Variants in TENM2 observed in about 807,000 individuals in gnomAD.
TENM2 encodes the protein teneurin-2.
TENM2 carries 52 observed loss-of-function variants against 245.2 expected under a neutral mutation model. The ratio of observed to expected loss-of-function variants is 0.21; its 90% CI spans 0.17 to 0.27. TENM2 has a LOEUF of 0.27. Among genes scored for constraint, TENM2 ranks in the 10% least tolerant of loss-of-function variants. The probability of loss-of-function intolerance (pLI) is 1.00; values close to 1 mark genes in which losing one functional copy is unlikely to be tolerated. For missense variants in TENM2, 3,046 were observed against 3,666.8 expected (o/e 0.83, Z 4.37); for synonymous variants, 1,363 against 1,438.9 (o/e 0.95, Z 1.19).
intron 11 of TENM2, among the ~76,000 whole-genome samples, 197 bp from the exon 14 acceptor site, chr5:168,126,557 C>CT (rs1795865559): frequency 6.6e-6 from 1 of 152,180 alleles, no homozygotes; most frequent in Admixed American, 6.5e-5. Context: ...AGGGGCCACA[C>CT]TTTGAGAGTC....
chr5:168,195,662 G>A (rs1410009038), intron 15 of TENM2, among the ~76,000 whole-genome samples: 9 of 146,850 alleles, frequency 6.1e-5, no homozygotes, highest in East Asian at 2.1e-4. Context: ...TCTTAGAAAC[G>A]AACTCCTGTT....
At chr5:167,984,943 C>T (rs528473004) in intron 4 of TENM2, among the ~76,000 whole-genome samples, 2 of 152,226 alleles carry the variant, frequency 1.3e-5, no homozygotes, top group East Asian at 1.9e-4. Context: ...CTTTTCATAT[C>T]GGAGAGTATA....
intron 2 of TENM2, among the ~76,000 whole-genome samples, chr5:167,860,325 G>A (rs1771651344): frequency 2.8e-5 from 3 of 106,538 alleles, no homozygotes; most frequent in Non-Finnish European, 5.7e-5. Flanking sequence ...GGGAAGTGAG[G>A]AGCCCCTCTG....
intron 2 of TENM2, among the ~76,000 whole-genome samples, chr5:167,785,081 A>G (rs890072467): frequency 6.6e-6 from 1 of 152,144 alleles, no homozygotes; most frequent in Non-Finnish European, 1.5e-5. Context: ...TTACATTTCT[A>G]ATTCTTAAAA....
intron 2 of TENM2, among the ~76,000 whole-genome samples, chr5:167,733,219 A>G (rs1760562319): frequency 6.6e-6 from 1 of 152,096 alleles, no homozygotes; most frequent in Non-Finnish European, 1.5e-5. Context: ...TCTCCTTGCC[A>G]ATAGTGCCCA....
intron 1 of TENM2, among the ~76,000 whole-genome samples, chr5:167,359,855 A>T (rs1177836746): frequency 6.6e-6 from 1 of 152,216 alleles, no homozygotes; most frequent in East Asian, 1.9e-4. Flanking sequence ...ATGAGATCAT[A>T]TGAGCCCTTT....
chr5:167,776,624 A>AC lies in TENM2; in HGVS notation c.503-99362_503-99361insC, dbSNP rs770647640. 1.8e-4 allele frequency among the ~76,000 whole-genome samples: 11 copies of AC among 61,252 alleles called. 1 individual carries two copies. The highest frequency in any genetic ancestry group is 7.0e-4 in the South Asian group (1 of 1,428). The allele number at this position is 61,252 out of a possible 152,430, so 40.2% of individuals were successfully genotyped here. A position where few individuals can be genotyped will look rare whatever the true frequency, so the allele number is the denominator to read the frequency against. On this transcript the variant is annotated intron_variant, in intron 2 of 28. Transcript: ENST00000518659. Reference sequence around the variant, plus strand: ...AAAAAAAAAAAAAAAAAAAAAAAAAAAACCATATATATGTATCTATATATA... The same window carrying AC: ...AAAAAAAAAAAAAAAAAAAAAAAAAACAACCATATATATGTATCTATATATA...
chr5:167,402,909 A>G (rs1762438110), intron 2 of TENM2, among the ~76,000 whole-genome samples: 1 of 152,052 alleles, frequency 6.6e-6, no homozygotes, highest in South Asian at 2.1e-4. Flanking sequence ...AATCATTTCA[A>G]TTAATTTTGG....
chr5:167,440,988 A>C (rs1050438282), intron 2 of TENM2, among the ~76,000 whole-genome samples: 1 of 152,110 alleles, frequency 6.6e-6, no homozygotes, highest in Non-Finnish European at 1.5e-5. Context: ...CCAAACTGCT[A>C]TTTGCTAACC....
the TENM2 span, among the ~76,000 whole-genome samples, chr5:167,036,866 A>G: frequency 1.3e-5 from 2 of 152,114 alleles, no homozygotes; most frequent in Non-Finnish European, 2.9e-5. Flanking sequence ...CTAACCTCCA[A>G]AGACTTCTTA....
chr5:167,148,915 A>T, the TENM2 span, among the ~76,000 whole-genome samples: 2 of 152,202 alleles, frequency 1.3e-5, no homozygotes, highest in African/African-American at 4.8e-5. Flanking sequence ...GCTCAAGAAG[A>T]GTGGTAGGCT....
chr5:167,849,904 A>T (rs1034600716), intron 2 of TENM2, among the ~76,000 whole-genome samples: 9 of 152,178 alleles, frequency 5.9e-5, no homozygotes, highest in African/African-American at 2.2e-4. Context: ...GAACTTCCAC[A>T]GATTGAGCTA....
intron 2 of TENM2, among the ~76,000 whole-genome samples, chr5:167,407,756 G>A (rs953770779): frequency 6.6e-6 from 1 of 152,162 alleles, no homozygotes; most frequent in African/African-American, 2.4e-5. Context: ...GGTGGAGGTT[G>A]CAGTGAGCAG....
At chr5:167,059,351 G>T in the TENM2 span, among the ~76,000 whole-genome samples, 1 of 152,024 alleles carries the variant, frequency 6.6e-6, no homozygotes, top group African/African-American at 2.4e-5. Context: ...TAATTAACAG[G>T]GGTGATAATG....
chr5:167,187,831 T>C, the TENM2 span, among the ~76,000 whole-genome samples: 6 of 152,068 alleles, frequency 3.9e-5, no homozygotes, highest in Non-Finnish European at 7.4e-5. Flanking sequence ...AGAGGGAAAA[T>C]AATTGCTGCT....
Position 168,140,078 on chromosome 5 carries a change from A to T in TENM2, c.2422+13112A>T, listed in dbSNP as rs576454866. 3.9e-5 allele frequency among the ~76,000 whole-genome samples: 6 copies of T among 152,344 alleles called. No homozygotes were observed. The South Asian group carries it at 6.2e-4, about 16-fold the overall frequency. On this transcript the variant is annotated intron_variant, in intron 12 of 28. Transcript: ENST00000518659. ...CATTTGCCTGGATTGAGACTGGGAC[A>T]GCTTTGGCTTCTCTTGTTTGATGCC...
chr5:167,429,240 C>G (rs979366527), intron 2 of TENM2, among the ~76,000 whole-genome samples: 1 of 152,130 alleles, frequency 6.6e-6, no homozygotes, highest in Non-Finnish European at 1.5e-5. Flanking sequence ...ATGATTTTGC[C>G]TCTGGGTTTG....
chr5:167,309,297 C>T (rs1400135390), intron 1 of TENM2, among the ~76,000 whole-genome samples: 1 of 152,182 alleles, frequency 6.6e-6, no homozygotes, highest in African/African-American at 2.4e-5. Flanking sequence ...ATTTACAATT[C>T]TCTACTTTAC....
chr5:167,713,532 C>A (rs955282597), intron 2 of TENM2, among the ~76,000 whole-genome samples: 3 of 152,086 alleles, frequency 2.0e-5, no homozygotes, highest in Non-Finnish European at 4.4e-5. Flanking sequence ...TGACCACATG[C>A]ACTTGCATAT....
Sources: gnomAD v4.1 joint callset for allele counts (sites outside exome capture counted in the v4.1 genomes callset) on GRCh38, gnomAD v4.1.1 for gene constraint, MANE v1.5 for transcripts, NCBI Gene and HGNC (gene_info 2026-07-23, HGNC 2026-07-21) for gene names.